TSPAN16: variants seen among roughly 807,000 people sequenced by gnomAD.
TSPAN16 encodes the protein tetraspanin-16.
In TSPAN16, 23 loss-of-function variants were observed where a neutral mutation model predicts 25.2. That is an observed-to-expected ratio of 0.91 (90% CI 0.66 to 1.29). TSPAN16 has a LOEUF of 1.29. Ranked by LOEUF, TSPAN16 falls within the 50% of genes most tolerant of loss-of-function variation. The pLI, the probability that TSPAN16 is intolerant of heterozygous loss-of-function variation, is 0.00. For synonymous variants in TSPAN16, 123 were observed against 124.4 expected, an observed-to-expected ratio of 0.99 and a Z score of 0.08; for missense variants, 272 against 299.9, an observed-to-expected ratio of 0.91 and a Z score of 0.69.
intron 5 of TSPAN16, among the ~76,000 whole-genome samples, chr19:11,310,247 CG>C (rs368228598): frequency 0.016 from 2,469 of 152,076 alleles, 32 homozygotes; most frequent in Non-Finnish European, 0.026. Flanking sequence ...GGAAGAAGGC[CG>C]GGTGTGGTGG....
chr19:11,318,436 A>G (rs1464452293), downstream of TSPAN16, among the ~76,000 whole-genome samples: 3 of 151,438 alleles, frequency 2.0e-5, no homozygotes, highest in African/African-American at 7.3e-5. Context: ...CTGCAATTAC[A>G]GGCGTGAGCC....
At position 11,312,114 on chromosome 19, in the gene TSPAN16, C is replaced by T. The variant is rs758243490; in HGVS notation, c.604-25C>T. On this transcript the variant is annotated intron_variant, in intron 5 of 6. Transcript: ENST00000590327. ...TCCATAAGCCCCTAACCACCTCCTG[C>T]TTGTTTTGGTGTTTGTTTCCTCAGG... 6 of 1,597,552 alleles carry T rather than the reference C, an allele frequency of 3.8e-6. No homozygotes were observed. The South Asian group carries it at 4.4e-5, about 12-fold the overall frequency.
chr19:11,301,166 T>A lies in TSPAN16; in HGVS notation c.343-35T>A, dbSNP rs374622536. On this transcript the variant is annotated intron_variant, in intron 3 of 6. Coordinates refer to ENST00000590327, the MANE Select transcript of TSPAN16 (RefSeq NM_001282509.2). The stretch of plus-strand genomic sequence containing the variant: ...CCAATGAACGGGCCACTCTTGCTAG[T>A]TGGGGTACTGATCACTTCCTGTCCT... The A allele has an allele frequency of 1.9e-6, 3 of 1,571,402 alleles. No individual in the cohort carries two copies. In the East Asian group the frequency reaches 6.7e-5, roughly 35 times the overall value.
At chr19:11,311,281 A>G (rs2080688885) in intron 5 of TSPAN16, among the ~76,000 whole-genome samples, 1 of 152,134 alleles carries the variant, frequency 6.6e-6, no homozygotes, top group African/African-American at 2.4e-5. Flanking sequence ...AATTACAGGC[A>G]CCGCCACCAT....
chr19:11,296,458 G>T, intron 1 of TSPAN16, 92 bp downstream of exon 1: 2 of 1,370,556 alleles, frequency 1.5e-6, no homozygotes, highest in Non-Finnish European at 2.1e-6. Context: ...ATCCAAATTG[G>T]CATCGAGATC....
chr19:11,322,687 AT>A (rs2080787339), intron 6 of TSPAN16: 1 of 152,200 alleles, frequency 6.6e-6, no homozygotes, highest in Admixed American at 6.6e-5. Flanking sequence ...ATGTTCCCAT[AT>A]TATTCCCAGT....
At position 11,312,167 on chromosome 19, in the gene TSPAN16, C is replaced by T; in HGVS notation, c.632C>T (p.Thr211Ile). 9 of 1,612,194 alleles carry T rather than the reference C, an allele frequency of 5.6e-6. No homozygotes were observed. Among genetic ancestry groups the T allele is most frequent in the African/African-American group, 1.3e-5 (1 of 74,816 alleles). Residue 211 changes from threonine to isoleucine, a missense_variant, in exon 6 of 7, where the codon ACC (threonine) becomes ATC (isoleucine). Coordinates refer to ENST00000590327, the MANE Select transcript of TSPAN16 (RefSeq NM_001282509.2). ...KGCFHKLLKITKTQSFTLSGS... is the reference protein window; with the variant it reads ...KGCFHKLLKIIKTQSFTLSGS... ...TGTTTCCATAAACTCCTAAAAATCA[C>T]CAAGACTCAGAGCTTCACCCTGAGT...
chr19:11,296,771 G>A (rs1352983937), intron 1 of TSPAN16, among the ~76,000 whole-genome samples: 1 of 152,238 alleles, frequency 6.6e-6, no homozygotes, highest in African/African-American at 2.4e-5. Flanking sequence ...GGGGGCGCTG[G>A]CTCATGCCTG....
chr19:11,298,212 T>G lies in TSPAN16; in HGVS notation c.140T>G (p.Leu47Arg), dbSNP rs1474849378. 3.7e-6 allele frequency: 6 copies of G among 1,614,206 alleles called. No individual in the cohort carries two copies. The highest frequency in any genetic ancestry group is 4.2e-6 in the Non-Finnish European group (5 of 1,180,038). ...GGAGGGGCCTCTCTGACGAATGTCC[T>G]CGGGCTGTCCTCCGCATACCTCCTT... ...KCGGASLTNV[L>R]GLSSAYLLHV... Residue 47 changes from leucine (L) to arginine (R), a missense_variant, in exon 2 of 7, where the codon CTC becomes CGC. Transcript: ENST00000590327.
Position 11,298,384 on chromosome 19 carries a change from A to G in TSPAN16, c.267+45A>G, listed in dbSNP as rs1182260445. 2.5e-6 allele frequency: 4 copies of G among 1,581,082 alleles called. 1 individual carries two copies. The South Asian group carries it at 3.3e-5, about 13-fold the overall frequency. On this transcript the variant is annotated intron_variant, in intron 2 of 6. Coordinates refer to ENST00000590327, the MANE Select transcript of TSPAN16 (RefSeq NM_001282509.2). Reference sequence around the variant, plus strand: ...AGACCCCAGAACTGCCTCCCCACACACACAAATCTTTTATTGTGCGTGTTG... The same window carrying G: ...AGACCCCAGAACTGCCTCCCCACACGCACAAATCTTTTATTGTGCGTGTTG...
In TSPAN16 at chr19:11,310,511, G is replaced by A. The variant is rs542322698; in HGVS notation, c.604-1628G>A. The stretch of plus-strand genomic sequence containing the variant: ...GCCTGGGCAATAAGAGCCAAATTCC[G>A]TCTCAAAAAAAAAAAAAAAAAAGTG... On this transcript the variant is annotated intron_variant, in intron 5 of 6. Transcript: ENST00000590327. Among the ~76,000 whole-genome samples, 8 of 103,278 alleles carry A rather than the reference G, an allele frequency of 7.7e-5. No homozygotes were observed. The East Asian group carries it at 2.3e-3, about 30-fold the overall frequency. 67.8% of individuals were successfully genotyped at this position (103,278 alleles called of 152,430 possible).
rs745370241 is a variant in TSPAN16 at position 11,306,718 on chromosome 19, G to A, written c.565G>A (p.Asp189Asn). 29 of 1,614,010 alleles carry A rather than the reference G, an allele frequency of 1.8e-5. No individual in the cohort carries two copies. The highest frequency in any genetic ancestry group is 2.4e-5 in the Non-Finnish European group (28 of 1,180,056). Residue 189 changes from aspartate to asparagine, a missense_variant, in exon 5 of 7, where the codon GAC (aspartate) becomes AAC (asparagine). Physicochemically the swap from Asp to Asn is conservative, Grantham distance 23. Coordinates refer to ENST00000590327, the MANE Select transcript of TSPAN16 (RefSeq NM_001282509.2). Reference sequence around the variant, plus strand: ...TAAATCCATCGGAAGTGTGTCCTGTGACGGACGCGATGTGTCTCCAAACGT... The same window carrying A: ...TAAATCCATCGGAAGTGTGTCCTGTAACGGACGCGATGTGTCTCCAAACGT... ...CCKSIGSVSC[D>N]GRDVSPNVIH... is the part of the protein sequence containing the mutation.
downstream of TSPAN16, among the ~76,000 whole-genome samples, chr19:11,319,710 C>T (rs1369934259): frequency 6.6e-6 from 1 of 152,212 alleles, no homozygotes. Flanking sequence ...GTGTGCAGCA[C>T]TTCCACACCC....
chr19:11,319,909 G>A (rs575375836), downstream of TSPAN16, among the ~76,000 whole-genome samples: 4 of 152,132 alleles, frequency 2.6e-5, no homozygotes, highest in East Asian at 7.9e-4. Context: ...CCACCTCCCG[G>A]GTTCACGCCA....
downstream of TSPAN16, among the ~76,000 whole-genome samples, chr19:11,318,939 C>T (rs1003095388): frequency 6.6e-6 from 1 of 152,082 alleles, no homozygotes; most frequent in South Asian, 2.1e-4. Flanking sequence ...AAGCCACTGC[C>T]CCCAGCCAGA....
chr19:11,324,775 C>T (rs909502816), intron 6 of TSPAN16: 5 of 152,616 alleles, frequency 3.3e-5, no homozygotes, highest in African/African-American at 1.2e-4. Flanking sequence ...GGGGATCTGA[C>T]TCCCTGTCCC....
downstream of TSPAN16, among the ~76,000 whole-genome samples, chr19:11,318,087 C>T (rs976787665): frequency 1.3e-4 from 20 of 151,988 alleles, no homozygotes; most frequent in Middle Eastern, 3.4e-3. Flanking sequence ...AGTGCAGTGG[C>T]GCGATCTCGG....
At chr19:11,316,118 G>GTGTGTGTGTGGT (rs1568295764), downstream of TSPAN16, 13 of 106,242 alleles carry the variant, frequency 1.2e-4, no homozygotes, top group South Asian at 1.2e-3. Context: ...TGTGTGTGTG[G>GTGTGTGTGTGGT]TTTTTTTTTT....
chr19:11,315,663 G>A (rs983348236), intron 6 of TSPAN16, 128 bp from the exon 7 acceptor site: 1 of 630,644 alleles, frequency 1.6e-6, no homozygotes, highest in Admixed American at 4.4e-5. Flanking sequence ...CGGTTCTTCA[G>A]CCATCTGTAA....
Sources: gnomAD v4.1 joint callset for allele counts (sites outside exome capture counted in the v4.1 genomes callset) on GRCh38, gnomAD v4.1.1 for gene constraint, MANE v1.5 for transcripts, NCBI Gene and HGNC (gene_info 2026-07-23, HGNC 2026-07-21) for gene names.